CSMD1: variants seen among roughly 807,000 people sequenced by gnomAD.
CSMD1 encodes the protein CUB and sushi domain-containing protein 1.
CSMD1 carries 213 observed loss-of-function variants against 417.5 expected under a neutral mutation model. The ratio of observed to expected loss-of-function variants is 0.51; its 90% CI spans 0.46 to 0.57. The LOEUF (loss-of-function observed/expected upper bound fraction) is 0.57. Among genes scored for constraint, CSMD1 ranks in the 20% least tolerant of loss-of-function variants. The pLI is 0.00. For missense variants in CSMD1, 6,923 were observed against 4,529.7 expected, an observed-to-expected ratio of 1.53 and a Z score of -15.17; for synonymous variants, 2,862 against 1,736.8, an observed-to-expected ratio of 1.65 and a Z score of -16.11.
At chr8:4,219,756 T>C (rs912399401) in intron 3 of CSMD1, among the ~76,000 whole-genome samples, 1 of 152,178 alleles carries the variant, frequency 6.6e-6, no homozygotes, top group Non-Finnish European at 1.5e-5. Flanking sequence ...CTTCTTTTCC[T>C]GAAAATAATA....
intron 37 of CSMD1, among the ~76,000 whole-genome samples, chr8:3,179,794 A>T (rs908719149): frequency 6.6e-6 from 1 of 152,246 alleles, no homozygotes; most frequent in Non-Finnish European, 1.5e-5. Context: ...CAGATTTTCC[A>T]GACACATCCT....
intron 6 of CSMD1, among the ~76,000 whole-genome samples, chr8:3,741,128 C>G (rs941015484): frequency 6.9e-6 from 1 of 145,612 alleles, no homozygotes; most frequent in African/African-American, 2.5e-5. Context: ...GCAAGAGAAT[C>G]ACTTGAAGCT....
At chr8:3,838,726 T>A (rs1244365225) in intron 5 of CSMD1, among the ~76,000 whole-genome samples, 4 of 70,986 alleles carry the variant, frequency 5.6e-5, no homozygotes, top group Non-Finnish European at 6.9e-5. Context: ...TATAATAAAT[T>A]AATATTATAT....
intron 25 of CSMD1, chr8:3,284,669 A>G (rs772778901): frequency 1.2e-4 from 33 of 284,802 alleles, no homozygotes; most frequent in Non-Finnish European, 1.8e-4. Context: ...TTTCTACGGC[A>G]CACAAACCAA....
At chr8:3,069,544 C>A (rs570537601) in intron 49 of CSMD1, among the ~76,000 whole-genome samples, 1 of 152,320 alleles carries the variant, frequency 6.6e-6, no homozygotes, top group African/African-American at 2.4e-5. Context: ...TCCTTTGACT[C>A]TGTCTTACAT....
At chr8:4,133,483 T>C (rs1011975483) in intron 3 of CSMD1, among the ~76,000 whole-genome samples, 6 of 152,186 alleles carry the variant, frequency 3.9e-5, no homozygotes, top group Admixed American at 2.0e-4. Flanking sequence ...TCAGCTAGTA[T>C]AGAAGAAAAG....
chr8:3,169,719 A>G (rs1820461313), intron 37 of CSMD1, among the ~76,000 whole-genome samples: 1 of 125,058 alleles, frequency 8.0e-6, no homozygotes, highest in African/African-American at 2.8e-5. Flanking sequence ...AGCTAGAAAT[A>G]TAGCACAAGT....
intron 26 of CSMD1, among the ~76,000 whole-genome samples, chr8:3,263,527 C>G (rs1308416344): frequency 2.0e-5 from 3 of 152,012 alleles, no homozygotes; most frequent in African/African-American, 7.2e-5. Context: ...TATTACTGGT[C>G]TATAGTAAAT....
At chr8:4,240,806 T>C (rs1263387645) in intron 3 of CSMD1, among the ~76,000 whole-genome samples, 2 of 152,142 alleles carry the variant, frequency 1.3e-5, no homozygotes, top group Non-Finnish European at 2.9e-5. Flanking sequence ...ATCCATACTA[T>C]CTATTTTTTT....
At chr8:4,335,923 G>A (rs1563068086) in intron 3 of CSMD1, among the ~76,000 whole-genome samples, 1 of 152,006 alleles carries the variant, frequency 6.6e-6, no homozygotes, top group African/African-American at 2.4e-5. Context: ...AAATAGTGAG[G>A]GAGCCCCATA....
At chr8:4,163,029 G>A (rs529817243) in intron 3 of CSMD1, among the ~76,000 whole-genome samples, 1 of 152,128 alleles carries the variant, frequency 6.6e-6, no homozygotes, top group East Asian at 1.9e-4. Flanking sequence ...TTAGTAACGT[G>A]CACTTCAGTT....
At chr8:4,429,774 G>A (rs535665729) in intron 2 of CSMD1, among the ~76,000 whole-genome samples, 5 of 152,186 alleles carry the variant, frequency 3.3e-5, no homozygotes, top group East Asian at 1.9e-4. Flanking sequence ...TGCTCCACCC[G>A]TATTTGTTGA....
At chr8:3,684,415 A>AT (rs901998946) in intron 7 of CSMD1, among the ~76,000 whole-genome samples, 5 of 148,932 alleles carry the variant, frequency 3.4e-5, no homozygotes, top group Non-Finnish European at 5.9e-5. Context: ...TACAAAATAT[A>AT]TTTTTTTCAT....
At position 3,903,405 on chromosome 8, in the gene CSMD1, G is replaced by T. The variant is rs533673888; in HGVS notation, c.818+94498C>A. On this transcript the variant is annotated intron_variant, in intron 5 of 69. Transcript: ENST00000635120. Reference sequence around the variant, plus strand: ...ATGTCATTATCATAAGCTTTCCAATGCCAGAGCATTAATATTAATGTGATA... The same window carrying T: ...ATGTCATTATCATAAGCTTTCCAATTCCAGAGCATTAATATTAATGTGATA... 2.1e-3 allele frequency among the ~76,000 whole-genome samples: 315 copies of T among 152,090 alleles called. 1 individual carries two copies. Among genetic ancestry groups the T allele is most frequent in the African/African-American group, 7.3e-3 (301 of 41,472 alleles).
chr8:2,987,394 CAG>C (rs536780479), intron 54 of CSMD1, among the ~76,000 whole-genome samples: 7 of 147,884 alleles, frequency 4.7e-5, no homozygotes, highest in Admixed American at 2.7e-4. Context: ...ATATAAGAAA[CAG>C]AAATATTTCT....
At position 4,389,924 on chromosome 8, in the gene CSMD1, G is replaced by A. The variant is rs572505435; in HGVS notation, c.415+30029C>T. Among the ~76,000 whole-genome samples the A allele has an allele frequency of 2.6e-5, 4 of 152,060 alleles. No individual in the cohort carries two copies. The South Asian group carries it at 6.2e-4, about 24-fold the overall frequency. On this transcript the variant is annotated intron_variant, in intron 3 of 69. Transcript: ENST00000635120. ...CAGTTTTCCACTGTTATAATTCTAG[G>A]ATGAATAGCTCTGTGTATGTCCTAT... is the stretch of plus-strand genomic sequence containing the variant.
intron 3 of CSMD1, among the ~76,000 whole-genome samples, chr8:4,122,936 T>A (rs936935024): frequency 6.6e-6 from 1 of 152,242 alleles, no homozygotes; most frequent in Non-Finnish European, 1.5e-5. Context: ...CGTTAAATTC[T>A]AGGCTACTGC....
In CSMD1 at chr8:3,272,539, G is replaced by A. The variant is rs376562655; in HGVS notation, c.4153+11605C>T. Among the ~76,000 whole-genome samples, 298 of 138,618 alleles carry A rather than the reference G, an allele frequency of 2.1e-3. 25 individuals carry two copies. Among genetic ancestry groups the A allele is most frequent in the Middle Eastern group, 0.011 (3 of 282 alleles). 90.9% of individuals were successfully genotyped at this position (138,618 alleles called of 152,430 possible). A position where few individuals can be genotyped will look rare whatever the true frequency, so the allele number is the denominator to read the frequency against. On this transcript the variant is annotated intron_variant, in intron 26 of 69. Transcript: ENST00000635120. ...CTTTGGGCAGTATGGCCATTTTCAC[G>A]ATATTGATTCTTCCTACCCATGAGC...
intron 10 of CSMD1, among the ~76,000 whole-genome samples, chr8:3,508,174 T>C (rs546516185): frequency 6.6e-6 from 1 of 152,274 alleles, no homozygotes; most frequent in East Asian, 1.9e-4. Context: ...AATTGAACAA[T>C]GACCAACCTC....
Sources: gnomAD v4.1 joint callset for allele counts (sites outside exome capture counted in the v4.1 genomes callset) on GRCh38, gnomAD v4.1.1 for gene constraint, MANE v1.5 for transcripts, NCBI Gene and HGNC (gene_info 2026-07-23, HGNC 2026-07-21) for gene names.